The following SCN8A variants were observed in gnomAD, a reference collection of about 807,000 sequenced individuals.
SCN8A encodes sodium voltage-gated channel alpha subunit 8.
Under a neutral mutation model 184.1 loss-of-function variants are expected in SCN8A, and 30 were observed. The observed-to-expected ratio is 0.16, with a 90% CI of 0.12 to 0.22. The LOEUF (loss-of-function observed/expected upper bound fraction) is 0.22. Among genes scored for constraint, SCN8A ranks in the 10% least tolerant of loss-of-function variants. The pLI, the probability that SCN8A is intolerant of heterozygous loss-of-function variation, is 1.00. For missense variants in SCN8A, 1,057 were observed against 2,498.9 expected (o/e 0.42, Z 12.30); for synonymous variants, 852 against 907.0 (o/e 0.94, Z 1.09).
At chr12:51,676,108 C>T (rs1024678163) in intron 2 of SCN8A, among the ~76,000 whole-genome samples, 7 of 152,110 alleles carry the variant, frequency 4.6e-5, no homozygotes, top group African/African-American at 1.4e-4. Context: ...TAAATAATCA[C>T]ACAGCTCAAA....
At chr12:51,728,886 A>G (rs1942197012) in intron 12 of SCN8A, among the ~76,000 whole-genome samples, 1 of 152,020 alleles carries the variant, frequency 6.6e-6, no homozygotes, top group Non-Finnish European at 1.5e-5. Context: ...CCCACTTTTT[A>G]TTACCTTGAC....
Position 51,706,425 on chromosome 12 carries a change from G to T in SCN8A, c.1345G>T (p.Ala449Ser). Residue 449 changes from alanine to serine, a missense_variant, in exon 11 of 27, where the codon GCT becomes TCT. Physicochemically the swap from Ala to Ser is moderately conservative, Grantham distance 99 (BLOSUM62 1). Around this residue, in one of 19 missense-constraint regions of SCN8A, gnomAD observed 322 missense variants for 390.1 expected, o/e 0.83. Transcript: ENST00000627620. ...LKKQQEEAQA[A>S]AMATSAGTVS... ...CCTGCTGTGGCTTCTTTCCTAGGCT[G>T]CTGCGATGGCCACTTCAGCAGGAAC... The T allele has an allele frequency of 6.3e-7, 1 of 1,576,934 alleles. No individual in the cohort carries two copies. Among genetic ancestry groups the T allele is most frequent in the Non-Finnish European group, 8.6e-7 (1 of 1,163,518 alleles).
chr12:51,806,652 C>G lies in SCN8A; in HGVS notation c.5166C>G (p.Ser1722Arg). Residue 1722 changes from serine (S) to arginine (R), a missense_variant, in exon 27 of 27, where the codon AGC becomes AGG. Coordinates refer to ENST00000627620, the MANE Select transcript of SCN8A (RefSeq NM_001330260.2). This position sits in a 1 kb window ranked among gnomAD's most constrained non-coding sequence, Gnocchi z 8.7. Reference protein sequence around the residue: ...LPILNRPPDCSLDKEHPGSGF... With the variant: ...LPILNRPPDCRLDKEHPGSGF... ...TCCTAAACCGCCCCCCTGACTGCAG[C>G]CTAGATAAGGAACACCCAGGGAGTG... 1 of 1,614,116 alleles carries G rather than the reference C, an allele frequency of 6.2e-7. No homozygotes were observed. Among genetic ancestry groups the G allele is most frequent in the Non-Finnish European group, 8.5e-7 (1 of 1,180,008 alleles).
chr12:51,780,912 C>G, intron 21 of SCN8A, 141 bp downstream of exon 21: 6 of 1,082,146 alleles, frequency 5.5e-6, no homozygotes, highest in South Asian at 2.9e-5. Flanking sequence ...CTCTCTCCCC[C>G]ACACCTGCCC....
chr12:51,710,246 T>C (rs1941852183), intron 11 of SCN8A, among the ~76,000 whole-genome samples: 1 of 152,174 alleles, frequency 6.6e-6, no homozygotes, highest in South Asian at 2.1e-4. Context: ...AACCTATGTG[T>C]TCATTCTCCA....
intron 13 of SCN8A, among the ~76,000 whole-genome samples, chr12:51,750,191 G>A (rs959343366): frequency 1.3e-5 from 2 of 152,182 alleles, no homozygotes; most frequent in African/African-American, 4.8e-5. Context: ...CTAGGGGAGT[G>A]CCTCAGGAGA....
intron 1 of SCN8A, among the ~76,000 whole-genome samples, chr12:51,593,794 C>T (rs1002854011): frequency 6.6e-6 from 1 of 152,170 alleles, no homozygotes; most frequent in Non-Finnish European, 1.5e-5. Flanking sequence ...ATTACTCCCA[C>T]ATAACTCTTC....
chr12:51,743,327 T>C (rs1942456759), intron 12 of SCN8A, among the ~76,000 whole-genome samples: 1 of 152,166 alleles, frequency 6.6e-6, no homozygotes, highest in Admixed American at 6.5e-5. Context: ...GTCTTCGCAA[T>C]CTGGGCTTGT....
chr12:51,681,113 C>G (rs769334122), intron 2 of SCN8A, among the ~76,000 whole-genome samples: 3 of 152,154 alleles, frequency 2.0e-5, no homozygotes, highest in Non-Finnish European at 4.4e-5. Flanking sequence ...GTTTTTAGGT[C>G]TTGGGGCATG....
At chr12:51,718,401 C>G (rs1203479367) in intron 11 of SCN8A, among the ~76,000 whole-genome samples, 1 of 151,356 alleles carries the variant, frequency 6.6e-6, no homozygotes, top group Non-Finnish European at 1.5e-5. Context: ...CAGGAGGATG[C>G]CTTGAGCCCA....
At chr12:51,651,589 TATTC>T (rs1215909418) in intron 1 of SCN8A, among the ~76,000 whole-genome samples, 1 of 152,188 alleles carries the variant, frequency 6.6e-6, no homozygotes, top group African/African-American at 2.4e-5. Flanking sequence ...TCAGGAGACT[TATTC>T]ACTACTATGA....
At chr12:51,627,616 G>A (rs1367959909) in intron 1 of SCN8A, among the ~76,000 whole-genome samples, 2 of 152,080 alleles carry the variant, frequency 1.3e-5, no homozygotes, top group African/African-American at 2.4e-5. Context: ...TCCTGACCTC[G>A]TGATTCCCCC....
intron 1 of SCN8A, among the ~76,000 whole-genome samples, chr12:51,601,019 C>G (rs540897338): frequency 1.7e-4 from 26 of 152,160 alleles, no homozygotes; most frequent in Non-Finnish European, 3.4e-4. Context: ...ATTACCCTTA[C>G]AGTAATTCTA....
At chr12:51,598,086 G>C (rs926208205) in intron 1 of SCN8A, among the ~76,000 whole-genome samples, 4 of 152,132 alleles carry the variant, frequency 2.6e-5, no homozygotes, top group Admixed American at 2.6e-4. Context: ...CTCTAAAGAG[G>C]CATAATGCCT....
rs561097564 is a variant in SCN8A at position 51,645,423 on chromosome 12, C to T, written c.-54-17341C>T. Among the ~76,000 whole-genome samples, 35 of 152,222 alleles carry T rather than the reference C, an allele frequency of 2.3e-4. No homozygotes were observed. The South Asian group carries it at 7.3e-3, about 32-fold the overall frequency. ...GCGCCTACTGGGAAGTGAGGAGCCC[C>T]TCTGCCCGGCCACCACCCTGTCTGG... On this transcript the variant is annotated intron_variant, in intron 1 of 26. Coordinates refer to ENST00000627620, the MANE Select transcript of SCN8A (RefSeq NM_001330260.2).
At chr12:51,693,679 G>C (rs763890849) in intron 6 of SCN8A, among the ~76,000 whole-genome samples, 3 of 152,118 alleles carry the variant, frequency 2.0e-5, no homozygotes, top group Non-Finnish European at 2.9e-5. Flanking sequence ...TTATCATGAG[G>C]ATTGCAGTTG....
intron 1 of SCN8A, among the ~76,000 whole-genome samples, chr12:51,651,246 T>C (rs1011417588): frequency 1.3e-5 from 2 of 152,300 alleles, no homozygotes; most frequent in Admixed American, 1.3e-4. Context: ...TGGCCAGATT[T>C]TGGGGGGCCT....
rs768854817 is a variant in SCN8A, at chr12:51,807,477, A to G, written c.*48A>G. On this transcript the variant is annotated 3_prime_UTR_variant, in exon 27 of 27. Coordinates refer to ENST00000627620, the MANE Select transcript of SCN8A (RefSeq NM_001330260.2). This position sits in a 1 kb window ranked among gnomAD's most constrained non-coding sequence, Gnocchi z 4.5. ...ATACAGATCTAAAACTCGCAAGTGA[A>G]AGATTGTTTACAAACTTCCTGAATA... 4 of 1,537,826 alleles carry G rather than the reference A, an allele frequency of 2.6e-6. No homozygotes were observed. The African/African-American group carries it at 4.1e-5, about 16-fold the overall frequency.
At chr12:51,717,385 A>G (rs573312514) in intron 11 of SCN8A, among the ~76,000 whole-genome samples, 3 of 152,214 alleles carry the variant, frequency 2.0e-5, no homozygotes, top group Non-Finnish European at 4.4e-5. Flanking sequence ...GTAACAATCA[A>G]TTTCTAGAAA....
Sources: allele counts gnomAD v4.1 joint callset (sites outside exome capture counted in the v4.1 genomes callset), GRCh38; gene constraint gnomAD v4.1.1; regional missense constraint gnomAD v4.1.1; non-coding constraint Gnocchi (gnomAD v3.1); transcripts MANE v1.5; gene names NCBI Gene and HGNC (gene_info 2026-07-23, HGNC 2026-07-21).